The following HCN1 variants were observed in gnomAD, a reference collection of about 807,000 sequenced individuals.
HCN1 encodes the protein hyperpolarization activated cyclic nucleotide gated potassium channel 1, also known as potassium/sodium hyperpolarization-activated cyclic nucleotide-gated channel 1.
A neutral mutation model predicts 78.9 loss-of-function variants in HCN1; 13 were observed. The observed-to-expected ratio is 0.16, with a 90% CI of 0.11 to 0.26. The LOEUF (loss-of-function observed/expected upper bound fraction) is 0.26. Ranked by LOEUF, HCN1 falls within the 10% of genes least tolerant of loss-of-function variation. The probability of loss-of-function intolerance (pLI) is 1.00; values close to 1 mark genes in which losing one functional copy is unlikely to be tolerated. For missense variants in HCN1, 810 were observed against 1,154.3 expected (o/e 0.70, Z 4.32); for synonymous variants, 552 against 455.5 (o/e 1.21, Z -2.70).
intron 6 of HCN1, among the ~76,000 whole-genome samples, chr5:45,300,840 T>A (rs1028143639): frequency 6.6e-6 from 1 of 152,140 alleles, no homozygotes; most frequent in Non-Finnish European, 1.5e-5. Context: ...GTTAGATTCA[T>A]AGCTTTTCCT....
At chr5:45,374,065 AATAT>A (rs1388065772) in intron 4 of HCN1, among the ~76,000 whole-genome samples, 4 of 105,356 alleles carry the variant, frequency 3.8e-5, no homozygotes, top group Admixed American at 1.3e-4. Flanking sequence ...TTATATATAT[AATAT>A]ATATAATATC....
At chr5:45,361,915 A>G (rs1005841429) in intron 4 of HCN1, among the ~76,000 whole-genome samples, 2 of 152,164 alleles carry the variant, frequency 1.3e-5, no homozygotes, top group African/African-American at 4.8e-5. Flanking sequence ...TTTAGCAATT[A>G]GAAGAAAATC....
rs907616899 is a variant in HCN1, at chr5:45,256,909, A to G, written c.*5012T>C. On this transcript the variant is annotated 3_prime_UTR_variant, in exon 8 of 8. Transcript: ENST00000303230. ...GCTTTATTTTAGCCAAAATTATTTT[A>G]TCACTTCTTTCCCTTCTCACAGGTT... 8 of 152,168 alleles carry G rather than the reference A, an allele frequency of 5.3e-5. No homozygotes were observed. The highest frequency in any genetic ancestry group is 1.9e-4 in the African/African-American group (8 of 41,416). The allele number at this position is 152,168 out of a possible 1,614,324, so 9.4% of individuals were successfully genotyped here.
chr5:45,600,182 CTT>C (rs758471926), intron 2 of HCN1, among the ~76,000 whole-genome samples: 7 of 151,900 alleles, frequency 4.6e-5, no homozygotes, highest in East Asian at 1.9e-4. Context: ...CTCTCTCTCT[CTT>C]ACACACACAC....
chr5:45,348,204 C>G (rs531713594), intron 5 of HCN1, among the ~76,000 whole-genome samples: 1 of 152,226 alleles, frequency 6.6e-6, no homozygotes, highest in African/African-American at 2.4e-5. Flanking sequence ...GAGTGGGGGG[C>G]CAGTATTCAA....
chr5:45,438,882 C>T (rs1740616901), intron 3 of HCN1, among the ~76,000 whole-genome samples: 1 of 152,096 alleles, frequency 6.6e-6, no homozygotes, highest in Non-Finnish European at 1.5e-5. Context: ...ACAATAGTGA[C>T]TAATATGTTT....
intron 6 of HCN1, among the ~76,000 whole-genome samples, chr5:45,297,107 C>T (rs921983656): frequency 6.6e-6 from 1 of 152,030 alleles, no homozygotes; most frequent in African/African-American, 2.4e-5. Flanking sequence ...TATTTATTAA[C>T]AGCAAACCTG....
intron 1 of HCN1, among the ~76,000 whole-genome samples, chr5:45,691,088 T>A (rs952058587): frequency 6.6e-6 from 1 of 151,834 alleles, no homozygotes; most frequent in African/African-American, 2.4e-5. Context: ...GTGGTGGTGA[T>A]GTTGTTTTGG....
intron 2 of HCN1, among the ~76,000 whole-genome samples, chr5:45,569,341 T>A (rs1743778786): frequency 6.6e-6 from 1 of 152,174 alleles, no homozygotes; most frequent in South Asian, 2.1e-4. Context: ...TAAGGAAAAA[T>A]TATTACTTTT....
intron 4 of HCN1, among the ~76,000 whole-genome samples, chr5:45,368,526 A>G (rs1359000196): frequency 6.6e-6 from 1 of 152,076 alleles, no homozygotes; most frequent in Middle Eastern, 3.4e-3. Context: ...GTTCTCTCCC[A>G]GTTTTATGGC....
intron 2 of HCN1, among the ~76,000 whole-genome samples, chr5:45,535,260 G>T (rs769341557): frequency 6.6e-6 from 1 of 152,076 alleles, no homozygotes. Flanking sequence ...GGAAGAGAAC[G>T]TCTTAATATA....
intron 3 of HCN1, among the ~76,000 whole-genome samples, chr5:45,453,689 C>A (rs1326368620): frequency 6.6e-6 from 1 of 152,010 alleles, no homozygotes; most frequent in African/African-American, 2.4e-5. Context: ...TGGCTTTATG[C>A]AAATGGAATA....
chr5:45,463,765 G>C (rs1027281274), intron 2 of HCN1, among the ~76,000 whole-genome samples: 9 of 151,894 alleles, frequency 5.9e-5, no homozygotes, highest in African/African-American at 2.2e-4. Context: ...TAGTTTTTTT[G>C]TTGTTGTTTA....
intron 2 of HCN1, among the ~76,000 whole-genome samples, chr5:45,632,120 A>C (rs984744664): frequency 6.6e-6 from 1 of 152,050 alleles, no homozygotes; most frequent in African/African-American, 2.4e-5. Flanking sequence ...ATGATATAGC[A>C]ATTAATAAAA....
chr5:45,354,431 C>T (rs1746970635), intron 4 of HCN1, among the ~76,000 whole-genome samples: 1 of 151,970 alleles, frequency 6.6e-6, no homozygotes, highest in Non-Finnish European at 1.5e-5. Flanking sequence ...ATGTAACACA[C>T]ATTTGATATA....
intron 2 of HCN1, among the ~76,000 whole-genome samples, chr5:45,633,225 T>A (rs1745299913): frequency 6.6e-6 from 1 of 152,026 alleles, no homozygotes; most frequent in Admixed American, 6.6e-5. Flanking sequence ...ATGATTTGAA[T>A]GCAAATGAAT....
chr5:45,592,112 G>A (rs1744376900), intron 2 of HCN1, among the ~76,000 whole-genome samples: 1 of 151,946 alleles, frequency 6.6e-6, no homozygotes, highest in African/African-American at 2.4e-5. Context: ...ACTCTATGTA[G>A]GTCTATTTCT....
chr5:45,417,402 T>C (rs1281777342), intron 3 of HCN1, among the ~76,000 whole-genome samples: 5 of 151,934 alleles, frequency 3.3e-5, no homozygotes, highest in African/African-American at 1.2e-4. Flanking sequence ...GAATTAAGGG[T>C]AGAGTCTATA....
chr5:45,504,160 T>C (rs929933155), intron 2 of HCN1, among the ~76,000 whole-genome samples: 13 of 152,114 alleles, frequency 8.5e-5, no homozygotes, highest in Admixed American at 7.9e-4. Flanking sequence ...TGCAGGTTTG[T>C]TACATATGTA....
Sources: allele counts gnomAD v4.1 joint callset (sites outside exome capture counted in the v4.1 genomes callset), GRCh38; gene constraint gnomAD v4.1.1; transcripts MANE v1.5; gene names NCBI Gene and HGNC (gene_info 2026-07-23, HGNC 2026-07-21).